The following PDGFC variants were observed in gnomAD, a reference collection of about 807,000 sequenced individuals.
The protein encoded by PDGFC is platelet-derived growth factor C.
PDGFC carries 12 observed loss-of-function variants against 35.5 expected under a neutral mutation model. The ratio of observed to expected loss-of-function variants is 0.34; its 90% CI spans 0.22 to 0.55. The LOEUF (loss-of-function observed/expected upper bound fraction) is 0.55. PDGFC is among the 20% of genes least tolerant of loss of function. The pLI is 0.91. For missense variants in PDGFC, 322 were observed against 412.4 expected (o/e 0.78, Z 1.90); for synonymous variants, 159 against 148.8 (o/e 1.07, Z -0.50).
chr4:156,946,328 A>G (rs1731946397), intron 1 of PDGFC, among the ~76,000 whole-genome samples: 2 of 152,112 alleles, frequency 1.3e-5, no homozygotes, highest in Admixed American at 6.6e-5. Context: ...TATGGTAAAC[A>G]GAAATATAAA....
At position 156,772,821 on chromosome 4, in the gene PDGFC, T is replaced by A; in HGVS notation, c.568A>T (p.Ile190Leu). 6.2e-7 allele frequency: 1 copy of A among 1,613,132 alleles called. No homozygotes were observed. The highest frequency in any genetic ancestry group is 1.1e-5 in the South Asian group (1 of 91,072). ...ALPLDLLNNA[I>L]TAFSTLEDLI... ...TCTTCCAAGGTACTAAAGGCAGTTA[T>A]AGCATTATTAAGCAGGTCCAGTGGC... Residue 190 changes from isoleucine (I) to leucine (L), a missense_variant, in exon 4 of 6, where the codon ATA becomes TTA. Around this residue, in one of 2 missense-constraint regions of PDGFC, gnomAD observed 202 missense variants for 295.9 expected, o/e 0.68. Transcript: ENST00000502773.
intron 3 of PDGFC, among the ~76,000 whole-genome samples, chr4:156,773,900 A>G (rs1428134762): frequency 6.6e-6 from 1 of 152,208 alleles, no homozygotes; most frequent in Non-Finnish European, 1.5e-5. Flanking sequence ...AAATGCCCAC[A>G]TATAGGAAAA....
At chr4:156,894,980 A>G (rs1329588734) in intron 1 of PDGFC, among the ~76,000 whole-genome samples, 1 of 152,168 alleles carries the variant, frequency 6.6e-6, no homozygotes, top group African/African-American at 2.4e-5. Context: ...AAATCCAACT[A>G]TGAAGTGTCC....
At chr4:156,770,220 G>C (rs1006848406) in intron 4 of PDGFC, 3 of 151,952 alleles carry the variant, frequency 2.0e-5, no homozygotes, top group Non-Finnish European at 1.5e-5. Context: ...TACTAGTTAA[G>C]CTTGACTTAG....
At chr4:156,827,142 G>A (rs1254442321) in intron 2 of PDGFC, among the ~76,000 whole-genome samples, 1 of 152,144 alleles carries the variant, frequency 6.6e-6, no homozygotes, top group Admixed American at 6.5e-5. Context: ...GATTGGCTGG[G>A]CACAGTGGCA....
chr4:156,847,383 C>CA (rs1292427612), intron 2 of PDGFC, among the ~76,000 whole-genome samples: 2 of 151,646 alleles, frequency 1.3e-5, no homozygotes. Flanking sequence ...GTAAGCATGA[C>CA]AAAACATGTG....
chr4:156,934,957 A>G (rs1731640957), intron 1 of PDGFC, among the ~76,000 whole-genome samples: 1 of 152,078 alleles, frequency 6.6e-6, no homozygotes, highest in South Asian at 2.1e-4. Context: ...TCCTAAAAAC[A>G]TACCTGAGGC....
At chr4:156,950,249 CCAGGATGA>C (rs1225178783) in intron 1 of PDGFC, among the ~76,000 whole-genome samples, 1 of 151,818 alleles carries the variant, frequency 6.6e-6, no homozygotes, top group Non-Finnish European at 1.5e-5. Flanking sequence ...TCCCTCCATT[CCAGGATGA>C]GGAAAGTGAC....
Position 156,970,995 on chromosome 4 carries a change from C to G in PDGFC, c.-92G>C. ...TCACCACCGCCAGGGGAAGGCTGCA[C>G]TGGGGTGGAAGCGCCGAGCCTGCTC... On this transcript the variant is annotated 5_prime_UTR_variant, in exon 1 of 6. Transcript: ENST00000502773. 1.3e-6 allele frequency: 1 copy of G among 797,314 alleles called. No homozygotes were observed. Among genetic ancestry groups the G allele is most frequent in the Non-Finnish European group, 2.1e-6 (1 of 466,390 alleles). 49.4% of individuals were successfully genotyped at this position (797,314 alleles called of 1,614,324 possible).
intron 1 of PDGFC, among the ~76,000 whole-genome samples, chr4:156,877,685 A>G (rs967452525): frequency 6.6e-6 from 1 of 152,186 alleles, no homozygotes; most frequent in Non-Finnish European, 1.5e-5. Flanking sequence ...TTACATTTTT[A>G]TTTAATAAAA....
At chr4:156,884,085 T>C (rs73856774) in intron 1 of PDGFC, among the ~76,000 whole-genome samples, 1 of 152,172 alleles carries the variant, frequency 6.6e-6, no homozygotes. Flanking sequence ...ACGCATGTCC[T>C]ACTTAAAGGA....
chr4:156,964,835 C>T (rs1560893932), intron 1 of PDGFC, among the ~76,000 whole-genome samples: 1 of 152,134 alleles, frequency 6.6e-6, no homozygotes, highest in Non-Finnish European at 1.5e-5. Flanking sequence ...TCTAACATTC[C>T]TCATACCACA....
chr4:156,898,415 T>C (rs974474416), intron 1 of PDGFC, among the ~76,000 whole-genome samples: 10 of 152,174 alleles, frequency 6.6e-5, no homozygotes, highest in South Asian at 2.1e-4. Context: ...ACTGAAGTGA[T>C]AGGTATTGAC....
intron 4 of PDGFC, among the ~76,000 whole-genome samples, chr4:156,769,172 A>G (rs753603832): frequency 3.3e-5 from 5 of 151,796 alleles, no homozygotes; most frequent in Non-Finnish European, 7.4e-5. Context: ...CCTTTCCACT[A>G]ATATGGATAA....
intron 1 of PDGFC, among the ~76,000 whole-genome samples, chr4:156,905,964 CAAAAGCAACAGATG>C (rs1422989650): frequency 1.3e-5 from 2 of 152,082 alleles, no homozygotes; most frequent in Admixed American, 1.3e-4. Flanking sequence ...TGTCAGTGAC[CAAAAGCAACAGATG>C]AAACCCAGTA....
At chr4:156,967,247 TTTTTTAATTTTCCA>T (rs1181858624) in intron 1 of PDGFC, 2 of 152,162 alleles carry the variant, frequency 1.3e-5, no homozygotes, top group African/African-American at 4.8e-5. Flanking sequence ...ACTGGGCACC[TTTTTTAATTTTCCA>T]TTTTTAATTT....
intron 2 of PDGFC, among the ~76,000 whole-genome samples, chr4:156,823,589 A>G (rs899811879): frequency 1.1e-4 from 17 of 152,220 alleles, no homozygotes; most frequent in Admixed American, 7.2e-4. Flanking sequence ...GAAAAATACA[A>G]TAGTGTGAGT....
At chr4:156,826,585 C>A (rs1195206741) in intron 2 of PDGFC, among the ~76,000 whole-genome samples, 1 of 152,114 alleles carries the variant, frequency 6.6e-6, no homozygotes, top group African/African-American at 2.4e-5. Context: ...TTAATCAAGG[C>A]ATCTTTAAAG....
intron 1 of PDGFC, chr4:156,861,527 G>A (rs1211801154): frequency 1.2e-6 from 1 of 827,332 alleles, no homozygotes; most frequent in African/African-American, 1.8e-5. Context: ...GAGTCTTTTG[G>A]TGACCTCAAA....
Sources: allele counts gnomAD v4.1 joint callset (sites outside exome capture counted in the v4.1 genomes callset), GRCh38; gene constraint gnomAD v4.1.1; regional missense constraint gnomAD v4.1.1; transcripts MANE v1.5; gene names NCBI Gene and HGNC (gene_info 2026-07-23, HGNC 2026-07-21).